The following MIB1 variants were observed in gnomAD, a reference collection of about 807,000 sequenced individuals.
MIB1 encodes E3 ubiquitin-protein ligase MIB1.
Under a neutral mutation model 124.5 loss-of-function variants are expected in MIB1, and 278 were observed. The observed-to-expected ratio is 2.23, with a 90% CI of 2.02 to 2.47. The LOEUF (loss-of-function observed/expected upper bound fraction) is 2.47, where lower values mean the gene tolerates loss of function less well. Among genes scored for constraint, MIB1 ranks in the 30% most tolerant of loss-of-function variants. The pLI is 0.00. For missense variants in MIB1, 957 were observed against 1,254.4 expected, an observed-to-expected ratio of 0.76 and a Z score of 3.58; for synonymous variants, 446 against 429.4, an observed-to-expected ratio of 1.04 and a Z score of -0.48.
chr18:21,733,774 C>T (rs180989147), intron 1 of MIB1, among the ~76,000 whole-genome samples: 3 of 150,360 alleles, frequency 2.0e-5, no homozygotes, highest in African/African-American at 7.3e-5. Flanking sequence ...GGTGCAATCT[C>T]GGCTCACTGC....
upstream of MIB1, among the ~76,000 whole-genome samples, chr18:21,737,508 G>T (rs960488784): frequency 1.3e-5 from 2 of 152,078 alleles, no homozygotes; most frequent in South Asian, 4.1e-4. Context: ...ATAATGACAG[G>T]ATCAAATTCA....
intron 1 of MIB1, among the ~76,000 whole-genome samples, chr18:21,716,267 C>G (rs1478839358): frequency 2.0e-5 from 3 of 152,104 alleles, no homozygotes; most frequent in Non-Finnish European, 2.9e-5. Flanking sequence ...CAAAACTAAG[C>G]TTCATAAATG....
chr18:21,840,687 C>G, intron 13 of MIB1, among the ~76,000 whole-genome samples: 1 of 142,850 alleles, frequency 7.0e-6, no homozygotes, highest in African/African-American at 2.7e-5. Flanking sequence ...TTTTAATTAG[C>G]TGGGTGTGGT....
intron 3 of MIB1, among the ~76,000 whole-genome samples, chr18:21,771,468 G>A (rs185303092): frequency 8.1e-4 from 123 of 152,252 alleles, no homozygotes; most frequent in Non-Finnish European, 1.3e-3. Context: ...GAATCAGAAG[G>A]AACTTTTTGC....
rs142475589 is a variant in MIB1, at chr18:21,791,417, C to T, written c.952C>T (p.Arg318Ter). ...PAVLTKANIV[R>*]SGDAAQGAEG... ...TGTTCTCACTAAAGCGAACATTGTCCGAAGTGGAGATGCTGCTCAGGGTGC... is the reference window on the plus strand; with the variant it reads ...TGTTCTCACTAAAGCGAACATTGTCTGAAGTGGAGATGCTGCTCAGGGTGC... Residue 318 changes from arginine (R) to a stop codon, truncating the protein, a stop_gained, in exon 7 of 21, where the codon CGA (arginine) becomes TGA (stop). Coordinates refer to ENST00000261537, the MANE Select transcript of MIB1 (RefSeq NM_020774.4). LOFTEE classifies it high-confidence loss of function. 3.6e-5 allele frequency: 58 copies of T among 1,613,512 alleles called. No individual in the cohort carries two copies. The highest frequency in any genetic ancestry group is 5.0e-5 in the Admixed American group (3 of 59,950).
At chr18:21,813,227 A>G (rs2041794382) in intron 10 of MIB1, among the ~76,000 whole-genome samples, 1 of 145,120 alleles carries the variant, frequency 6.9e-6, no homozygotes, top group Admixed American at 6.9e-5. Flanking sequence ...ACTGTAACAG[A>G]AAAAAAAAAA....
chr18:21,864,701 T>A lies in MIB1; in HGVS notation c.*35T>A. On this transcript the variant is annotated 3_prime_UTR_variant, in exon 21 of 21. Transcript: ENST00000261537. Reference sequence around the variant, plus strand: ...ATGGTGTATTTTGTTAGCTAATGTATCTAGTCATGAGATCTTAATAGGCTT... The same window carrying A: ...ATGGTGTATTTTGTTAGCTAATGTAACTAGTCATGAGATCTTAATAGGCTT... 1.9e-6 allele frequency: 3 copies of A among 1,562,294 alleles called. No homozygotes were observed. Among genetic ancestry groups the A allele is most frequent in the Non-Finnish European group, 2.6e-6 (3 of 1,138,146 alleles).
chr18:21,709,115 G>A (rs1401261047), intron 1 of MIB1, among the ~76,000 whole-genome samples: 1 of 152,100 alleles, frequency 6.6e-6, no homozygotes, highest in Non-Finnish European at 1.5e-5. Flanking sequence ...AGGAGATCGA[G>A]ACAATCCTGG....
intron 11 of MIB1, among the ~76,000 whole-genome samples, chr18:21,816,854 G>A (rs1415108110): frequency 2.0e-5 from 3 of 152,122 alleles, no homozygotes; most frequent in African/African-American, 7.2e-5. Flanking sequence ...GTATGTCCTT[G>A]TAAGTGGGAG....
intron 1 of MIB1, among the ~76,000 whole-genome samples, chr18:21,724,841 C>T (rs2040734060): frequency 7.4e-6 from 1 of 135,420 alleles, no homozygotes; most frequent in Non-Finnish European, 1.5e-5. Context: ...ACCTGTAATC[C>T]CAACACTTTG....
At chr18:21,798,710 C>CT (rs1409141725) in intron 8 of MIB1, among the ~76,000 whole-genome samples, 3 of 151,980 alleles carry the variant, frequency 2.0e-5, no homozygotes, top group Non-Finnish European at 2.9e-5. Flanking sequence ...GCTACCGTGA[C>CT]TAGAAACTAT....
chr18:21,776,701 A>C (rs2041292033), intron 4 of MIB1, among the ~76,000 whole-genome samples: 1 of 152,168 alleles, frequency 6.6e-6, no homozygotes, highest in South Asian at 2.1e-4. Context: ...AGTTGATGTA[A>C]GGCCGGGTGC....
At chr18:21,766,044 G>T (rs2041154622) in intron 2 of MIB1, 101 bp downstream of exon 2, 2 of 1,146,278 alleles carry the variant, frequency 1.7e-6, no homozygotes, top group Non-Finnish European at 2.6e-6. Flanking sequence ...GCTTCTGACA[G>T]TTGGTTTACT....
chr18:21,716,111 G>T (rs184083128), intron 1 of MIB1, among the ~76,000 whole-genome samples: 1 of 152,254 alleles, frequency 6.6e-6, no homozygotes, highest in East Asian at 1.9e-4. Context: ...GAGCTTTGAG[G>T]CAAAAGCACC....
At position 21,853,213 on chromosome 18, in the gene MIB1, GTGAGA is replaced by G; in HGVS notation, c.2661_2665del (p.Cys887Ter). The G allele has an allele frequency of 1.2e-6, 2 of 1,604,294 alleles. No individual in the cohort carries two copies. Among genetic ancestry groups the G allele is most frequent in the Non-Finnish European group, 1.7e-6 (2 of 1,171,486 alleles). The stretch of plus-strand genomic sequence containing the variant: ...CAACCCTGTGGCCACATGTGTGCTT[GTGAGA>G]GTAAGTAGCCTATGCAGAGTTCCTC... On this transcript the variant is annotated stop_gained and frameshift_variant and splice_region_variant, in exon 18 of 21. Transcript: ENST00000261537. LOFTEE classifies it high-confidence loss of function.
In MIB1 at chr18:21,772,664, T is replaced by C. The variant is rs149551096; in HGVS notation, c.532-960T>C. On this transcript the variant is annotated intron_variant, in intron 3 of 20. Transcript: ENST00000261537. ...TATGTGATTCTAGGCCTTAAAGCAA[T>C]GGCAACCCCAGTATATATATATATT... 3.5e-3 allele frequency among the ~76,000 whole-genome samples: 528 copies of C among 152,276 alleles called. 2 individuals carry two copies. Among genetic ancestry groups the C allele is most frequent in the African/African-American group, 0.012 (503 of 41,552 alleles).
At chr18:21,717,955 C>T (rs1300369130) in intron 1 of MIB1, among the ~76,000 whole-genome samples, 1 of 152,182 alleles carries the variant, frequency 6.6e-6, no homozygotes, top group Non-Finnish European at 1.5e-5. Flanking sequence ...ATGTTTATAG[C>T]AGCACAATTC....
intron 1 of MIB1, among the ~76,000 whole-genome samples, chr18:21,706,838 C>T (rs1360380602): frequency 2.6e-5 from 4 of 152,210 alleles, no homozygotes. Flanking sequence ...CAAGCCTCCC[C>T]CACGAGCGCT....
At chr18:21,840,135 A>G (rs982381235) in intron 13 of MIB1, among the ~76,000 whole-genome samples, 2 of 152,188 alleles carry the variant, frequency 1.3e-5, no homozygotes, top group African/African-American at 4.8e-5. Flanking sequence ...CAATTTTTGT[A>G]TATTTTCCAT....
Sources: gnomAD v4.1 joint callset for allele counts (sites outside exome capture counted in the v4.1 genomes callset) on GRCh38, gnomAD v4.1.1 for gene constraint, MANE v1.5 for transcripts, NCBI Gene and HGNC (gene_info 2026-07-23, HGNC 2026-07-21) for gene names.